Variants in DENND1A observed in about 807,000 individuals in gnomAD.
The protein encoded by DENND1A is DENN domain containing 1A, also known as DENN domain-containing protein 1A.
Under a neutral mutation model 113.7 loss-of-function variants are expected in DENND1A, and 51 were observed. The observed-to-expected ratio is 0.45, with a 90% CI of 0.36 to 0.57. The LOEUF is 0.57. DENND1A is among the 20% of genes least tolerant of loss of function. The probability of loss-of-function intolerance (pLI) is 0.00; values close to 1 mark genes in which losing one functional copy is unlikely to be tolerated. For missense variants in DENND1A, 1,258 were observed against 1,395.9 expected, an observed-to-expected ratio of 0.90 and a Z score of 1.57; for synonymous variants, 565 against 570.8, an observed-to-expected ratio of 0.99 and a Z score of 0.14.
intron 2 of DENND1A, among the ~76,000 whole-genome samples, chr9:123,840,712 A>G (rs1841703013): frequency 1.3e-5 from 2 of 152,284 alleles, no homozygotes; most frequent in East Asian, 3.9e-4. Context: ...TTCCTACTGA[A>G]GAACTCACTA....
At position 123,422,373 on chromosome 9, in the gene DENND1A, G is replaced by T. The variant is rs924505930; in HGVS notation, c.1489-10544C>A. Among the ~76,000 whole-genome samples, 1 of 152,192 alleles carries T rather than the reference G, an allele frequency of 6.6e-6. No individual in the cohort carries two copies. The highest frequency in any genetic ancestry group is 1.5e-5 in the Non-Finnish European group (1 of 68,036). On this transcript the variant is annotated intron_variant, in intron 19 of 23. Coordinates refer to ENST00000394215, the MANE Select transcript of DENND1A (RefSeq NM_001352964.2). This position sits in a 1 kb window ranked among gnomAD's most constrained non-coding sequence, Gnocchi z 4.8. Reference sequence around the variant, plus strand: ...TCCTAGCCTAACAGGTTGAGCCCCAGGGCCATCCCCCAAAGCAATAGACTT... The same window carrying T: ...TCCTAGCCTAACAGGTTGAGCCCCATGGCCATCCCCCAAAGCAATAGACTT...
chr9:123,542,843 C>T (rs2056387440), intron 13 of DENND1A, among the ~76,000 whole-genome samples: 1 of 152,148 alleles, frequency 6.6e-6, no homozygotes, highest in Non-Finnish European at 1.5e-5. Context: ...TCTGGATTGC[C>T]TCCCTGTCTT....
chr9:123,803,510 C>T (rs548309406), intron 2 of DENND1A, among the ~76,000 whole-genome samples: 2 of 152,242 alleles, frequency 1.3e-5, no homozygotes, highest in East Asian at 3.9e-4. Flanking sequence ...CTCCCACAAG[C>T]CCCACCACCA....
intron 2 of DENND1A, among the ~76,000 whole-genome samples, chr9:123,827,759 G>A (rs890398092): frequency 6.6e-5 from 10 of 152,096 alleles, no homozygotes; most frequent in African/African-American, 2.4e-4. Flanking sequence ...TATACCTCAT[G>A]AGATGGGTAA....
chr9:123,672,957 C>T (rs543585410), intron 6 of DENND1A, among the ~76,000 whole-genome samples: 1 of 152,336 alleles, frequency 6.6e-6, no homozygotes, highest in East Asian at 1.9e-4. Flanking sequence ...AGCAAACAAT[C>T]CACTTCAGAA....
chr9:123,634,170 A>T (rs1443002025), intron 9 of DENND1A, among the ~76,000 whole-genome samples: 2 of 152,214 alleles, frequency 1.3e-5, no homozygotes, highest in Non-Finnish European at 2.9e-5. Flanking sequence ...TAACCTCAAA[A>T]GCAAACCCAC....
chr9:123,814,254 T>C (rs761800085), intron 2 of DENND1A, among the ~76,000 whole-genome samples: 2 of 152,176 alleles, frequency 1.3e-5, no homozygotes, highest in African/African-American at 2.4e-5. Flanking sequence ...AATTCTATTA[T>C]AAAAATTCAC....
intron 5 of DENND1A, among the ~76,000 whole-genome samples, chr9:123,692,713 C>A (rs964222057): frequency 1.3e-5 from 2 of 152,190 alleles, no homozygotes; most frequent in South Asian, 4.1e-4. Flanking sequence ...ATTAAACAAA[C>A]ATATGGATGG....
At chr9:123,739,822 C>T (rs1024348014) in intron 5 of DENND1A, among the ~76,000 whole-genome samples, 1 of 151,730 alleles carries the variant, frequency 6.6e-6, no homozygotes, top group African/African-American at 2.4e-5. Context: ...GGAATATATT[C>T]CAGTAAAATA....
At chr9:123,593,469 C>T (rs2059551053) in intron 11 of DENND1A, among the ~76,000 whole-genome samples, 2 of 152,120 alleles carry the variant, frequency 1.3e-5, no homozygotes, top group South Asian at 4.2e-4. Context: ...TCTAGGCTGG[C>T]TTCCTGCAAA....
intron 2 of DENND1A, among the ~76,000 whole-genome samples, chr9:123,831,803 T>C (rs1840257716): frequency 1.3e-5 from 2 of 152,052 alleles, no homozygotes; most frequent in Non-Finnish European, 2.9e-5. Context: ...GCCAACATGG[T>C]GAAACCCTGT....
intron 8 of DENND1A, among the ~76,000 whole-genome samples, chr9:123,653,563 G>A (rs566893977): frequency 6.6e-6 from 1 of 152,224 alleles, no homozygotes; most frequent in East Asian, 1.9e-4. Flanking sequence ...ATCCCTCTAC[G>A]AAGATGAGAA....
At chr9:123,485,540 C>A (rs1247582885) in intron 13 of DENND1A, 4 of 152,030 alleles carry the variant, frequency 2.6e-5, no homozygotes, top group South Asian at 2.1e-4. Flanking sequence ...AGGGCTCCCC[C>A]ACCTGAGTAC....
intron 10 of DENND1A, among the ~76,000 whole-genome samples, chr9:123,618,409 G>A (rs991765053): frequency 2.0e-5 from 3 of 152,206 alleles, no homozygotes; most frequent in Admixed American, 6.5e-5. Flanking sequence ...TGTCACTCAC[G>A]TACAGAATGT....
intron 12 of DENND1A, among the ~76,000 whole-genome samples, chr9:123,563,157 G>C (rs2057858987): frequency 6.6e-6 from 1 of 152,146 alleles, no homozygotes; most frequent in African/African-American, 2.4e-5. Context: ...AATGGCAGGA[G>C]AAATGAACAT....
rs575984717 is a variant in DENND1A at position 123,567,519 on chromosome 9, C to T, written c.868-9824G>A. 1.3e-5 allele frequency among the ~76,000 whole-genome samples: 2 copies of T among 152,180 alleles called. 1 individual carries two copies. The highest frequency in any genetic ancestry group is 4.8e-5 in the African/African-American group (2 of 41,526). On this transcript the variant is annotated intron_variant, in intron 12 of 23. Transcript: ENST00000394215. ...AAGGATTGCTCTATTTCTAATGAAC[C>T]AGAACATTAATGCCTTTTCTAATGG...
chr9:123,499,801 G>C (rs1442492886), intron 13 of DENND1A, among the ~76,000 whole-genome samples: 4 of 152,208 alleles, frequency 2.6e-5, no homozygotes, highest in Admixed American at 2.6e-4. Context: ...TGCTGGCTGA[G>C]CTGGCTGCTC....
At chr9:123,710,766 G>A (rs545956115) in intron 5 of DENND1A, among the ~76,000 whole-genome samples, 59 of 149,726 alleles carry the variant, frequency 3.9e-4, no homozygotes, top group African/African-American at 1.2e-3. Context: ...TCCATCTCCC[G>A]GCTTCAAGCA....
At chr9:123,872,002 T>C (rs1846693491) in intron 2 of DENND1A, among the ~76,000 whole-genome samples, 1 of 152,220 alleles carries the variant, frequency 6.6e-6, no homozygotes, top group Admixed American at 6.5e-5. Flanking sequence ...CCTTGCAGGC[T>C]GATCTCTCTT....
Sources: gnomAD v4.1 joint callset for allele counts (sites outside exome capture counted in the v4.1 genomes callset) on GRCh38, gnomAD v4.1.1 for gene constraint, Gnocchi (gnomAD v3.1) non-coding constraint, MANE v1.5 for transcripts, NCBI Gene and HGNC (gene_info 2026-07-23, HGNC 2026-07-21) for gene names.